Variants in MCC observed in about 807,000 individuals in gnomAD.
The protein encoded by MCC is colorectal mutant cancer protein.
In MCC, 90 loss-of-function variants were observed where a neutral mutation model predicts 116.2. The observed-to-expected ratio is 0.77, with a 90% CI of 0.65 to 0.92. The LOEUF (loss-of-function observed/expected upper bound fraction) is 0.92. Ranked by LOEUF, MCC falls within the 40% of genes least tolerant of loss-of-function variation. The pLI is 0.00. For synonymous variants in MCC, 578 were observed against 510.5 expected, an observed-to-expected ratio of 1.13 and a Z score of -1.78; for missense variants, 1,516 against 1,312.2, an observed-to-expected ratio of 1.16 and a Z score of -2.40.
intron 5 of MCC, 144 bp downstream of exon 5, chr5:113,143,074 T>C (rs1759274393): frequency 4.6e-6 from 4 of 876,330 alleles, no homozygotes; most frequent in African/African-American, 1.7e-5. Flanking sequence ...AAGCCTTAGA[T>C]ACAAAGAAAA....
intron 3 of MCC, among the ~76,000 whole-genome samples, chr5:113,314,507 G>A (rs1581393469): frequency 6.6e-6 from 1 of 152,242 alleles, no homozygotes; most frequent in Admixed American, 6.5e-5. Flanking sequence ...TCTGAGTATT[G>A]CTGAGTGCTC....
intron 2 of MCC, among the ~76,000 whole-genome samples, chr5:113,374,213 T>G (rs548406166): frequency 2.7e-4 from 37 of 137,930 alleles, no homozygotes; most frequent in African/African-American, 7.4e-4. Flanking sequence ...CTTTTTTTTT[T>G]TTTGTTTTTT....
At chr5:113,036,236 C>T (rs1448894924) in intron 17 of MCC, among the ~76,000 whole-genome samples, 1 of 152,000 alleles carries the variant, frequency 6.6e-6, no homozygotes, top group Non-Finnish European at 1.5e-5. Flanking sequence ...CAGGGTTTCA[C>T]CATGTTGGCC....
At chr5:113,143,149 G>C (rs889919026) in intron 5 of MCC, 69 bp downstream of exon 5, 16 of 1,482,768 alleles carry the variant, frequency 1.1e-5, no homozygotes, top group Non-Finnish European at 1.4e-5. Context: ...AAATAGTTGG[G>C]GCTACTTCAG....
intron 1 of MCC, among the ~76,000 whole-genome samples, chr5:113,453,618 T>G (rs1771460727): frequency 6.6e-6 from 1 of 152,164 alleles, no homozygotes; most frequent in African/African-American, 2.4e-5. Flanking sequence ...CTAAGAGACT[T>G]TACAGCTGAC....
At chr5:113,282,691 CACT>C (rs1173975029) in intron 3 of MCC, among the ~76,000 whole-genome samples, 1 of 152,160 alleles carries the variant, frequency 6.6e-6, no homozygotes, top group African/African-American at 2.4e-5. Context: ...GCCTCTGAAC[CACT>C]ACATTTCCTA....
chr5:113,340,110 G>C (rs1767973570), intron 3 of MCC, among the ~76,000 whole-genome samples: 1 of 152,212 alleles, frequency 6.6e-6, no homozygotes, highest in Non-Finnish European at 1.5e-5. Context: ...AGTATAACCA[G>C]AAACAAGAAA....
intron 1 of MCC, among the ~76,000 whole-genome samples, chr5:113,455,075 T>C (rs1220016449): frequency 6.6e-6 from 1 of 152,118 alleles, no homozygotes; most frequent in South Asian, 2.1e-4. Context: ...TGTTTGCTTA[T>C]CCTCCCACCG....
chr5:113,175,821 A>T (rs1230931482), intron 3 of MCC, among the ~76,000 whole-genome samples: 1 of 152,126 alleles, frequency 6.6e-6, no homozygotes, highest in African/African-American at 2.4e-5. Flanking sequence ...AATATTTTTC[A>T]ACATGTGGGT....
chr5:113,466,299 C>T (rs1771905849), intron 1 of MCC, among the ~76,000 whole-genome samples: 1 of 151,508 alleles, frequency 6.6e-6, no homozygotes, highest in Non-Finnish European at 1.5e-5. Flanking sequence ...CGTCATTTAG[C>T]ATTAGGTATA....
chr5:113,089,446 A>C (rs1480997992), intron 8 of MCC, among the ~76,000 whole-genome samples: 2 of 152,264 alleles, frequency 1.3e-5, no homozygotes, highest in Admixed American at 1.3e-4. Flanking sequence ...AATGGACTGA[A>C]GTAAGGAAGA....
chr5:113,327,559 A>ATAT (rs1186361820), intron 3 of MCC, among the ~76,000 whole-genome samples: 66 of 80,968 alleles, frequency 8.2e-4, no homozygotes, highest in African/African-American at 3.0e-3. Context: ...AAAAAAAAAA[A>ATAT]AAATATATAT....
intron 3 of MCC, among the ~76,000 whole-genome samples, chr5:113,199,634 A>G (rs571691100): frequency 6.6e-6 from 1 of 152,364 alleles, no homozygotes; most frequent in African/African-American, 2.4e-5. Flanking sequence ...GGGCCATAGA[A>G]TAAAGTCTCA....
chr5:113,051,165 C>A (rs1046429111), intron 15 of MCC, among the ~76,000 whole-genome samples: 1 of 152,172 alleles, frequency 6.6e-6, no homozygotes, highest in Non-Finnish European at 1.5e-5. Flanking sequence ...TAGAACCACT[C>A]TGTAGGGACA....
intron 1 of MCC, among the ~76,000 whole-genome samples, chr5:113,478,814 G>C (rs899031227): frequency 6.6e-6 from 1 of 152,152 alleles, no homozygotes; most frequent in Admixed American, 6.5e-5. Flanking sequence ...GTCTCACAGA[G>C]AGTCCTTCTT....
At chr5:113,283,434 C>T (rs1268231498) in intron 3 of MCC, among the ~76,000 whole-genome samples, 1 of 152,160 alleles carries the variant, frequency 6.6e-6, no homozygotes. Context: ...CTCAACATCA[C>T]TAACCATTAG....
At chr5:113,427,747 T>G (rs1373912685) in intron 1 of MCC, among the ~76,000 whole-genome samples, 1 of 152,196 alleles carries the variant, frequency 6.6e-6, no homozygotes, top group Non-Finnish European at 1.5e-5. Context: ...ATTTAAGAAT[T>G]TAGTACTCAG....
chr5:113,474,991 T>C (rs867507925), intron 1 of MCC, among the ~76,000 whole-genome samples: 3 of 152,228 alleles, frequency 2.0e-5, no homozygotes, highest in South Asian at 2.1e-4. Flanking sequence ...TCTGAAATTT[T>C]ATAAATAAAT....
chr5:113,321,080 T>G (rs1370544469), intron 3 of MCC, among the ~76,000 whole-genome samples: 1 of 152,212 alleles, frequency 6.6e-6, no homozygotes, highest in Non-Finnish European at 1.5e-5. Flanking sequence ...TTTGCTGTTT[T>G]AGTGAAATAT....
Sources: gnomAD v4.1 joint callset for allele counts (sites outside exome capture counted in the v4.1 genomes callset) on GRCh38, gnomAD v4.1.1 for gene constraint, MANE v1.5 for transcripts, NCBI Gene and HGNC (gene_info 2026-07-23, HGNC 2026-07-21) for gene names.